Variants in GTPBP4 observed in about 807,000 individuals in gnomAD.
GTPBP4 encodes the protein GTP-binding protein 4.
Under a neutral mutation model 81.7 loss-of-function variants are expected in GTPBP4, and 15 were observed. That is an observed-to-expected ratio of 0.18 (90% CI 0.12 to 0.28). GTPBP4 has a LOEUF of 0.28. Ranked by LOEUF, GTPBP4 falls within the 10% of genes least tolerant of loss-of-function variation. The probability of loss-of-function intolerance (pLI) is 1.00; values close to 1 mark genes in which losing one functional copy is unlikely to be tolerated. For synonymous variants in GTPBP4, 272 were observed against 274.6 expected, an observed-to-expected ratio of 0.99 and a Z score of 0.09; for missense variants, 847 against 793.8, an observed-to-expected ratio of 1.07 and a Z score of -0.81.
chr10:999,427 T>A (rs975630506), intron 6 of GTPBP4, among the ~76,000 whole-genome samples: 2 of 151,882 alleles, frequency 1.3e-5, no homozygotes, highest in Admixed American at 6.6e-5. Context: ...CTGGCAAGAG[T>A]CTTGTCTTTA....
intron 6 of GTPBP4, 101 bp from the exon 7 acceptor site, chr10:1,000,576 T>G (rs1831609831): frequency 9.5e-6 from 5 of 528,962 alleles, no homozygotes; most frequent in Admixed American, 4.2e-5. Context: ...TGCTGTAAGA[T>G]TATTAGGTCT....
At chr10:993,680 A>G (rs533079341) in intron 2 of GTPBP4, among the ~76,000 whole-genome samples, 12 of 152,370 alleles carry the variant, frequency 7.9e-5, no homozygotes, top group South Asian at 6.2e-4. Context: ...GATCAGCAGT[A>G]TAGTCTCAAA....
chr10:1,006,113 G>A lies in GTPBP4; in HGVS notation c.1002+206G>A, dbSNP rs568241647. Among the ~76,000 whole-genome samples, 116 of 152,330 alleles carry A rather than the reference G, an allele frequency of 7.6e-4. No homozygotes were observed. In the South Asian group the frequency reaches 7.9e-3, roughly 10 times the overall value. On this transcript the variant is annotated intron_variant, in intron 9 of 16. Transcript: ENST00000360803. ...CCCCCCGTGGACAGTGGGTTGTGAG[G>A]GGATGCTTTGCTCTTCTCACCCCAA...
intron 15 of GTPBP4, among the ~76,000 whole-genome samples, chr10:1,015,512 CTCTGAGCCTGGGAGCGGGG>C (rs1831968255): frequency 9.0e-5 from 12 of 132,890 alleles, no homozygotes; most frequent in African/African-American, 3.1e-4. Flanking sequence ...GGGTCCTGAG[CTCTGAGCCTGGGAGCGGGG>C]CTGGGGTCCT....
rs569902812 is a variant in GTPBP4, at chr10:1,007,436, T to C, written c.1113+308T>C. ...ACAGATGGAAATCTGTTTCATTCTT[T>C]AAATTTTCATTTTTTTGGCTGGGGG... On this transcript the variant is annotated intron_variant, in intron 10 of 16. Transcript: ENST00000360803. 13 of 247,300 alleles carry C rather than the reference T, an allele frequency of 5.3e-5. No individual in the cohort carries two copies. In the South Asian group the frequency reaches 7.6e-4, roughly 14 times the overall value. The allele number at this position is 247,300 out of a possible 1,614,324, so 15.3% of individuals were successfully genotyped here.
chr10:996,363 C>A lies in GTPBP4; in HGVS notation c.460+121C>A. The A allele has an allele frequency of 4.1e-6, 3 of 736,554 alleles. No homozygotes were observed. The South Asian group carries it at 7.3e-5, about 18-fold the overall frequency. The allele number at this position is 736,554 out of a possible 1,614,324, so 45.6% of individuals were successfully genotyped here. A position where few individuals can be genotyped will look rare whatever the true frequency, so the allele number is the denominator to read the frequency against. ...GAGATGACAGGGTCAGTTATTCTTC[C>A]TAGCTTTACCTATGAGAAACAGTAA... On this transcript the variant is annotated intron_variant, in intron 4 of 16. Transcript: ENST00000360803.
intron 4 of GTPBP4, 186 bp downstream of exon 4, chr10:996,428 T>C (rs144987945): frequency 2.8e-4 from 119 of 425,094 alleles, no homozygotes; most frequent in African/African-American, 2.2e-3. Context: ...TACAAATCAA[T>C]AGCACTGATA....
At chr10:1,013,838 GT>G (rs1564471742) in intron 14 of GTPBP4, among the ~76,000 whole-genome samples, 1 of 152,170 alleles carries the variant, frequency 6.6e-6, no homozygotes. Flanking sequence ...CAAGTGACTG[GT>G]TATGGCGGAC....
chr10:1,001,660 A>G lies in GTPBP4; in HGVS notation c.912+647A>G, dbSNP rs995377807. On this transcript the variant is annotated intron_variant, in intron 8 of 16. Transcript: ENST00000360803. ...ATTGATCCATTGGTCATTCTGGGAC[A>G]TGTTTATAATTCTCATGGGTGGTTT... Among the ~76,000 whole-genome samples, 7 of 142,734 alleles carry G rather than the reference A, an allele frequency of 4.9e-5. No individual in the cohort carries two copies. The South Asian group carries it at 1.6e-3, about 33-fold the overall frequency. The allele number at this position is 142,734 out of a possible 152,430, so 93.6% of individuals were successfully genotyped here. A position where few individuals can be genotyped will look rare whatever the true frequency, so the allele number is the denominator to read the frequency against.
chr10:993,042 G>GTT, intron 2 of GTPBP4, among the ~76,000 whole-genome samples: 1 of 149,986 alleles, frequency 6.7e-6, no homozygotes, highest in Non-Finnish European at 1.5e-5. Flanking sequence ...CTTTCCAAGG[G>GTT]TTTTTTTTTT....
In GTPBP4 at chr10:1,007,085, T is replaced by C; in HGVS notation, c.1070T>C (p.Leu357Pro). 6.2e-7 allele frequency: 1 copy of C among 1,609,902 alleles called. No homozygotes were observed. Among genetic ancestry groups the C allele is most frequent in the Non-Finnish European group, 8.5e-7 (1 of 1,176,166 alleles). ...AAGGGAAATAAAGTGAATGAGGTGCTGAATAGACTGCACCTGGCTATCCCA... is the reference window on the plus strand; with the variant it reads ...AAGGGAAATAAAGTGAATGAGGTGCCGAATAGACTGCACCTGGCTATCCCA... ...KMKGNKVNEVLNRLHLAIPTR... is the reference protein window; with the variant it reads ...KMKGNKVNEVPNRLHLAIPTR... The change falls in exon 10 of 17, where the codon CTG becomes CCG. Residue 357 changes from leucine to proline, a missense_variant. Leu to Pro is a moderately conservative substitution (Grantham distance 98). This residue lies in a region of GTPBP4 where 600 missense variants were observed against 557.1 expected (regional missense o/e 1.08). Transcript: ENST00000360803.
chr10:1,017,290 A>T lies in GTPBP4; in HGVS notation c.*63A>T. Reference sequence around the variant, plus strand: ...TGTTTATTTCCTGGTTTGGCACAGTATGGTTTCATGAAATTGGAGCTCTGT... The same window carrying T: ...TGTTTATTTCCTGGTTTGGCACAGTTTGGTTTCATGAAATTGGAGCTCTGT... On this transcript the variant is annotated 3_prime_UTR_variant, in exon 17 of 17. Transcript: ENST00000360803. 1 of 1,434,436 alleles carries T rather than the reference A, an allele frequency of 7.0e-7. No individual in the cohort carries two copies. Among genetic ancestry groups the T allele is most frequent in the Non-Finnish European group, 9.6e-7 (1 of 1,038,686 alleles). The allele number at this position is 1,434,436 out of a possible 1,614,324, so 88.9% of individuals were successfully genotyped here.
chr10:1,010,600 G>T (rs925912726), intron 13 of GTPBP4, 80 bp downstream of exon 13: 10 of 820,610 alleles, frequency 1.2e-5, no homozygotes, highest in Non-Finnish European at 2.2e-5. Context: ...CATGGCTTCG[G>T]CTCAGCTGGG....
chr10:988,454 G>A lies in GTPBP4; in HGVS notation c.-26G>A, dbSNP rs964511331. The A allele has an allele frequency of 6.2e-6, 10 of 1,609,182 alleles. No homozygotes were observed. Among genetic ancestry groups the A allele is most frequent in the South Asian group, 1.1e-5 (1 of 90,920 alleles). Reference sequence around the variant, plus strand: ...ACGGCGGAAGTTCCGGGAGTGCCAAGTACCCGCGTGCATACGGCTGCCGGC... The same window carrying A: ...ACGGCGGAAGTTCCGGGAGTGCCAAATACCCGCGTGCATACGGCTGCCGGC... On this transcript the variant is annotated 5_prime_UTR_variant, in exon 1 of 17. Coordinates refer to ENST00000360803, the MANE Select transcript of GTPBP4 (RefSeq NM_012341.3).
intron 4 of GTPBP4, 103 bp downstream of exon 4, chr10:996,345 C>A: frequency 1.0e-6 from 1 of 979,900 alleles, no homozygotes; most frequent in Non-Finnish European, 1.5e-6. Context: ...TTGGAGATGA[C>A]AGGGTCAGTT....
At chr10:1,006,740 G>A (rs1480519781) in intron 9 of GTPBP4, among the ~76,000 whole-genome samples, 2 of 152,220 alleles carry the variant, frequency 1.3e-5, no homozygotes, top group Non-Finnish European at 2.9e-5. Flanking sequence ...TGCTCGGTTA[G>A]AGTCCTGAGG....
chr10:1,007,083 G>A lies in GTPBP4; in HGVS notation c.1068G>A (p.Val356=). ...TKMKGNKVNE[V]LNRLHLAIPT... The stretch of plus-strand genomic sequence containing the variant: ...TGAAGGGAAATAAAGTGAATGAGGT[G>A]CTGAATAGACTGCACCTGGCTATCC... The change falls in exon 10 of 17, where the codon GTG becomes GTA. Residue 356 remains valine (V), a synonymous_variant. Coordinates refer to ENST00000360803, the MANE Select transcript of GTPBP4 (RefSeq NM_012341.3). 1 of 1,612,558 alleles carries A rather than the reference G, an allele frequency of 6.2e-7. No individual in the cohort carries two copies. Among genetic ancestry groups the A allele is most frequent in the East Asian group, 2.2e-5 (1 of 44,884 alleles).
chr10:1,001,877 AC>A, intron 8 of GTPBP4, among the ~76,000 whole-genome samples: 1 of 151,382 alleles, frequency 6.6e-6, no homozygotes, highest in East Asian at 1.9e-4. Context: ...CGGTTGGATG[AC>A]ATGTTCTGTA....
At chr10:1,007,274 T>A in intron 10 of GTPBP4, 146 bp downstream of exon 10, 2 of 595,940 alleles carry the variant, frequency 3.4e-6, no homozygotes, top group Non-Finnish European at 6.0e-6. Flanking sequence ...CTTGCTTACA[T>A]AAAGGATCGA....
Sources: gnomAD v4.1 joint callset for allele counts (sites outside exome capture counted in the v4.1 genomes callset) on GRCh38, gnomAD v4.1.1 for gene constraint, gnomAD v4.1.1 regional missense constraint, MANE v1.5 for transcripts, NCBI Gene and HGNC (gene_info 2026-07-23, HGNC 2026-07-21) for gene names.